SPATA24: variants seen among roughly 807,000 people sequenced by gnomAD.
The protein encoded by SPATA24 is spermatogenesis associated 24.
A neutral mutation model predicts 28.9 loss-of-function variants in SPATA24; 21 were observed. The ratio of observed to expected loss-of-function variants is 0.73; its 90% CI spans 0.52 to 1.05. SPATA24 has a LOEUF of 1.05. Ranked by LOEUF, SPATA24 falls within the 50% of genes least tolerant of loss-of-function variation. The pLI is 0.00. For missense variants in SPATA24, 215 were observed against 242.9 expected (o/e 0.88, Z 0.76); for synonymous variants, 76 against 89.9 (o/e 0.85, Z 0.88).
chr5:139,396,742 G>T, downstream of SPATA24: 1 of 1,551,140 alleles, frequency 6.4e-7, no homozygotes, highest in South Asian at 1.2e-5. Flanking sequence ...GGGACTCCCA[G>T]AGCAGAGAAG....
At chr5:139,393,218 G>C (rs1758630422), downstream of SPATA24, 1 of 1,549,202 alleles carries the variant, frequency 6.5e-7, no homozygotes, top group African/African-American at 1.4e-5. Flanking sequence ...CGAGGCCGCG[G>C]AATGGCCATG....
downstream of SPATA24, chr5:139,393,508 A>G (rs1284638648): frequency 3.9e-6 from 6 of 1,551,366 alleles, no homozygotes; most frequent in African/African-American, 6.8e-5. Context: ...GCCCGGCCCC[A>G]TGGGATCCCA....
At chr5:139,398,404 T>TAAAAAAAAAA (rs11434297) in intron 4 of SPATA24, among the ~76,000 whole-genome samples, 1 of 142,914 alleles carries the variant, frequency 7.0e-6, no homozygotes. Flanking sequence ...TCTACAAAAC[T>TAAAAAAAAAA]AAAAAAAAAA....
chr5:139,396,330 A>C (rs1758704879), downstream of SPATA24: 7 of 985,304 alleles, frequency 7.1e-6, no homozygotes, highest in Non-Finnish European at 8.4e-6. Flanking sequence ...TTAAAACCAC[A>C]CACAGCATTG....
intron 4 of SPATA24, chr5:139,401,397 G>A: frequency 1.7e-6 from 1 of 590,670 alleles, no homozygotes; most frequent in Non-Finnish European, 3.0e-6. Context: ...CTGAGACTAA[G>A]GATCAGGTCC....
At chr5:139,393,155 C>A, downstream of SPATA24, 1 of 1,546,150 alleles carries the variant, frequency 6.5e-7, no homozygotes, top group East Asian at 2.4e-5. Flanking sequence ...GAGCCTTGTG[C>A]TCCTGCCGGG....
chr5:139,395,094 C>G (rs552035671), downstream of SPATA24: 2 of 1,392,520 alleles, frequency 1.4e-6, no homozygotes, highest in African/African-American at 1.5e-5. Context: ...TGGGGCCGGA[C>G]GCCGTGCACT....
chr5:139,396,760 C>T (rs1405909043), downstream of SPATA24: 57 of 1,551,444 alleles, frequency 3.7e-5, no homozygotes, highest in Non-Finnish European at 8.7e-7. Context: ...AAGGCAGAGG[C>T]TGGGGATTAC....
At chr5:139,394,331 C>T (rs888168527), downstream of SPATA24, 1 of 1,453,088 alleles carries the variant, frequency 6.9e-7, no homozygotes. Flanking sequence ...GCCGTCTGCA[C>T]GAAGCCCGCG....
downstream of SPATA24, chr5:139,394,806 T>G (rs1758666442): frequency 3.3e-6 from 5 of 1,528,738 alleles, no homozygotes; most frequent in Non-Finnish European, 2.6e-6. Flanking sequence ...GGCCGGAACC[T>G]GGGCCTCGCG....
chr5:139,392,866 A>T, downstream of SPATA24: 3 of 1,543,738 alleles, frequency 1.9e-6, no homozygotes, highest in Non-Finnish European at 2.6e-6. This position sits in a 1 kb window ranked among gnomAD's most constrained non-coding sequence, Gnocchi z 5.8. Context: ...ACCCAAGGCC[A>T]GGGCCCCAGG....
At chr5:139,403,689 G>A (rs1758869722) in intron 1 of SPATA24, among the ~76,000 whole-genome samples, 1 of 152,232 alleles carries the variant, frequency 6.6e-6, no homozygotes, top group Non-Finnish European at 1.5e-5. Flanking sequence ...CTGAGGCTCA[G>A]GGACTCTCTA....
At chr5:139,394,555 C>T (rs1054765878), downstream of SPATA24, 14 of 1,501,544 alleles carry the variant, frequency 9.3e-6, no homozygotes, top group South Asian at 2.5e-5. Context: ...ACTTGGCCCA[C>T]GGGGCCGCAG....
intron 1 of SPATA24, among the ~76,000 whole-genome samples, chr5:139,403,708 T>G (rs1297849863): frequency 1.3e-5 from 2 of 152,236 alleles, no homozygotes; most frequent in Non-Finnish European, 2.9e-5. Context: ...TACCAGCTCT[T>G]GCAGCAACCA....
At chr5:139,392,777 C>T, downstream of SPATA24, 1 of 1,442,810 alleles carries the variant, frequency 6.9e-7, no homozygotes. The surrounding 1 kb of genome is among the most constrained non-coding windows in gnomAD (Gnocchi z 5.8). Context: ...CCGTCGGGGA[C>T]CAGGCGCTGG....
downstream of SPATA24, chr5:139,395,755 T>G (rs1428592738): frequency 6.6e-6 from 1 of 152,354 alleles, no homozygotes; most frequent in African/African-American, 2.4e-5. Context: ...CTGCCCTCGG[T>G]GGGACCTATT....
In SPATA24 at chr5:139,401,824, G is replaced by GC; in HGVS notation, c.315dup (p.Leu106AlafsTer24). 6.5e-7 allele frequency: 1 copy of GC among 1,550,188 alleles called. No homozygotes were observed. ...AGGACTTTGCTCTTGACACTGGAGA[G>GC]CCTGGGTGGGGAAGATAAGATGGGA... On this transcript the variant is annotated frameshift_variant and splice_region_variant, in exon 4 of 6. Coordinates refer to ENST00000450845, the MANE Select transcript of SPATA24 (RefSeq NM_194296.2). LOFTEE classifies it high-confidence loss of function.
chr5:139,394,624 G>C, downstream of SPATA24: 1 of 1,533,914 alleles, frequency 6.5e-7, no homozygotes, highest in Admixed American at 2.0e-5. Flanking sequence ...GCGTGGGACC[G>C]CGGCGGGAGA....
At chr5:139,395,113 C>T (rs1420316305), downstream of SPATA24, 30 of 1,383,892 alleles carry the variant, frequency 2.2e-5, no homozygotes, top group Non-Finnish European at 2.7e-5. Flanking sequence ...CTATCTCCCT[C>T]GCATTCGCCT....
Sources: gnomAD v4.1 joint callset for allele counts (sites outside exome capture counted in the v4.1 genomes callset) on GRCh38, gnomAD v4.1.1 for gene constraint, Gnocchi (gnomAD v3.1) non-coding constraint, MANE v1.5 for transcripts, NCBI Gene and HGNC (gene_info 2026-07-23, HGNC 2026-07-21) for gene names.